Variants in LMO7 observed in about 807,000 individuals in gnomAD.
LMO7 encodes the protein LIM domain only protein 7.
Under a neutral mutation model 206.5 loss-of-function variants are expected in LMO7, and 120 were observed. The observed-to-expected ratio is 0.58, with a 90% CI of 0.50 to 0.68. The LOEUF (loss-of-function observed/expected upper bound fraction) is 0.68, where lower values mean the gene tolerates loss of function less well. LMO7 is among the 30% of genes least tolerant of loss of function. The pLI is 0.00. For synonymous variants in LMO7, 706 were observed against 681.5 expected (o/e 1.04, Z -0.56); for missense variants, 1,959 against 1,957.9 (o/e 1.00, Z -0.01).
chr13:75,700,997 A>G (rs367759705), intron 1 of LMO7, among the ~76,000 whole-genome samples: 2 of 152,160 alleles, frequency 1.3e-5, no homozygotes, highest in East Asian at 1.9e-4. Context: ...TATTTACACC[A>G]TGTTCTATTT....
In LMO7 at chr13:75,823,800, C is replaced by T; in HGVS notation, c.2876C>T (p.Thr959Ile). Reference protein sequence around the residue: ...AATSKATLSSTSGLDLMSESG... With the variant: ...AATSKATLSSISGLDLMSESG... ...ACTTCTAAAGCCACATTGTCTTCCACATCTGGTCTTGATTTAATGTCTGAA... is the reference window on the plus strand; with the variant it reads ...ACTTCTAAAGCCACATTGTCTTCCATATCTGGTCTTGATTTAATGTCTGAA... Residue 959 changes from threonine to isoleucine, a missense_variant, in exon 15 of 31, where the codon ACA becomes ATA. Transcript: ENST00000377534. The T allele has an allele frequency of 6.2e-7, 1 of 1,614,096 alleles. No individual in the cohort carries two copies. The highest frequency in any genetic ancestry group is 1.1e-5 in the South Asian group (1 of 91,078).
intron 4 of LMO7, among the ~76,000 whole-genome samples, chr13:75,783,248 C>T (rs148652237): frequency 1.3e-5 from 2 of 152,248 alleles, no homozygotes; most frequent in Non-Finnish European, 2.9e-5. Flanking sequence ...GCTGAGGGAG[C>T]AGGGTCATCT....
intron 4 of LMO7, among the ~76,000 whole-genome samples, chr13:75,773,301 T>C (rs1426158096): frequency 6.6e-6 from 1 of 152,090 alleles, no homozygotes; most frequent in Non-Finnish European, 1.5e-5. Flanking sequence ...GGGACAAGCT[T>C]GAGTGAGGCC....
At chr13:75,821,715 C>A in intron 14 of LMO7, 106 bp downstream of exon 14, 1 of 679,604 alleles carries the variant, frequency 1.5e-6, no homozygotes. Flanking sequence ...CTGTACATAA[C>A]ATATATAAGG....
intron 1 of LMO7, among the ~76,000 whole-genome samples, chr13:75,695,151 G>A (rs1435360524): frequency 1.3e-5 from 2 of 152,162 alleles, no homozygotes; most frequent in African/African-American, 4.8e-5. Flanking sequence ...TAGGCTAGAA[G>A]GCAGAATCCA....
chr13:75,712,359 T>A (rs1566338520), intron 1 of LMO7, among the ~76,000 whole-genome samples: 3 of 152,320 alleles, frequency 2.0e-5, no homozygotes, highest in East Asian at 1.9e-4. Flanking sequence ...GAGCTGGGAC[T>A]CAGTCCCAGG....
At position 75,636,548 on chromosome 13, in the gene LMO7, G is replaced by C. The variant is rs1172722160; in HGVS notation, c.-110G>C. 1.5e-5 allele frequency: 23 copies of C among 1,525,162 alleles called. No individual in the cohort carries two copies. The highest frequency in any genetic ancestry group is 1.8e-5 in the Non-Finnish European group (21 of 1,143,044). 94.5% of individuals were successfully genotyped at this position (1,525,162 alleles called of 1,614,324 possible). A position where few individuals can be genotyped will look rare whatever the true frequency, so the allele number is the denominator to read the frequency against. On this transcript the variant is annotated 5_prime_UTR_variant, in exon 1 of 31. Coordinates refer to ENST00000377534, the MANE Select transcript of LMO7 (RefSeq NM_001306080.2). ...CGCCTTCGCAGCCGGAGCGGAAGCC[G>C]GAGTTGTGGGAGGCCCGCGTGCCCT...
At chr13:75,732,262 C>T (rs543098239) in intron 3 of LMO7, among the ~76,000 whole-genome samples, 8 of 152,320 alleles carry the variant, frequency 5.3e-5, no homozygotes, top group African/African-American at 1.7e-4. Context: ...TCAGGTACAC[C>T]AGTCAGACAT....
At chr13:75,697,021 A>C (rs1335338052) in intron 1 of LMO7, among the ~76,000 whole-genome samples, 1 of 152,168 alleles carries the variant, frequency 6.6e-6, no homozygotes, top group Non-Finnish European at 1.5e-5. Flanking sequence ...GGGCCAAACA[A>C]CACATGTGCA....
chr13:75,711,583 C>G (rs763259582), intron 1 of LMO7, among the ~76,000 whole-genome samples: 39 of 152,344 alleles, frequency 2.6e-4, no homozygotes, highest in South Asian at 1.0e-3. Flanking sequence ...GACGATGCCT[C>G]GCCCTGCTTC....
intron 1 of LMO7, among the ~76,000 whole-genome samples, chr13:75,708,312 T>C (rs946111740): frequency 2.0e-5 from 3 of 152,250 alleles, no homozygotes; most frequent in African/African-American, 7.2e-5. Context: ...CAGTTCTTTT[T>C]CTTTCCATTT....
intron 11 of LMO7, among the ~76,000 whole-genome samples, chr13:75,812,687 C>T (rs1227576515): frequency 1.3e-5 from 2 of 151,790 alleles, no homozygotes; most frequent in African/African-American, 2.4e-5. Flanking sequence ...ATGATTGACA[C>T]CTTCTTCCTT....
chr13:75,819,282 G>T (rs2057350800), intron 12 of LMO7, 111 bp from the exon 13 acceptor site: 10 of 1,298,478 alleles, frequency 7.7e-6, no homozygotes, highest in Non-Finnish European at 9.3e-6. Flanking sequence ...TTGGCATCCA[G>T]TTGGAGTGAA....
chr13:75,785,387 T>C (rs190645420), intron 4 of LMO7, among the ~76,000 whole-genome samples: 1 of 152,124 alleles, frequency 6.6e-6, no homozygotes, highest in East Asian at 1.9e-4. Flanking sequence ...AATGTCAAAA[T>C]CATTGCATTG....
intron 1 of LMO7, among the ~76,000 whole-genome samples, chr13:75,676,018 T>C (rs117584404): frequency 0.041 from 6,241 of 152,310 alleles, 171 homozygotes; most frequent in Non-Finnish European, 0.067. Context: ...TAAAAGACTC[T>C]ATGTGTTACT....
intron 24 of LMO7, 22 bp from the exon 25 acceptor site, chr13:75,842,829 A>G (rs984130779): frequency 1.3e-6 from 2 of 1,518,520 alleles, no homozygotes; most frequent in Non-Finnish European, 1.8e-6. Flanking sequence ...TTTTGACAAC[A>G]AAATCTTTTT....
intron 4 of LMO7, among the ~76,000 whole-genome samples, chr13:75,774,072 C>CT (rs913764149): frequency 6.6e-5 from 10 of 151,988 alleles, no homozygotes; most frequent in African/African-American, 2.4e-4. Flanking sequence ...TTTTGTTTTA[C>CT]TTTTTTTTCC....
intron 1 of LMO7, 121 bp downstream of exon 1, chr13:75,636,847 G>C: frequency 1.0e-6 from 1 of 958,464 alleles, no homozygotes; most frequent in Non-Finnish European, 1.6e-6. Context: ...CAGCCGACGT[G>C]AACAAGCTGG....
intron 11 of LMO7, among the ~76,000 whole-genome samples, chr13:75,814,991 T>G (rs1370777384): frequency 6.6e-6 from 1 of 152,094 alleles, no homozygotes; most frequent in Non-Finnish European, 1.5e-5. Flanking sequence ...ATGGCGGACC[T>G]CTTAGATTTT....
Sources: allele counts gnomAD v4.1 joint callset (sites outside exome capture counted in the v4.1 genomes callset), GRCh38; gene constraint gnomAD v4.1.1; transcripts MANE v1.5; gene names NCBI Gene and HGNC (gene_info 2026-07-23, HGNC 2026-07-21).